SSBP3: variants seen among roughly 807,000 people sequenced by gnomAD.
The protein encoded by SSBP3 is single-stranded DNA-binding protein 3.
A neutral mutation model predicts 69.6 loss-of-function variants in SSBP3; 5 were observed. The ratio of observed to expected loss-of-function variants is 0.07; its 90% CI spans 0.04 to 0.15. The LOEUF (loss-of-function observed/expected upper bound fraction) is 0.15, where lower values mean the gene tolerates loss of function less well. Ranked by LOEUF, SSBP3 falls within the 10% of genes least tolerant of loss-of-function variation. SSBP3 has a pLI of 1.00. For missense variants in SSBP3, 312 were observed against 534.0 expected (o/e 0.58, Z 4.10); for synonymous variants, 196 against 193.4 (o/e 1.01, Z -0.11).
At chr1:54,240,085 T>TGCGC (rs1644589953) in intron 13 of SSBP3, among the ~76,000 whole-genome samples, 2 of 38,538 alleles carry the variant, frequency 5.2e-5, no homozygotes, top group African/African-American at 1.8e-4. Flanking sequence ...TGTGTGTGTG[T>TGCGC]GTGCGCGCGC....
chr1:54,304,257 G>A (rs770588106), intron 4 of SSBP3, among the ~76,000 whole-genome samples: 22 of 152,192 alleles, frequency 1.4e-4, no homozygotes, highest in Admixed American at 2.0e-4. Context: ...GTGAACAGGC[G>A]GCGAGGCTGT....
chr1:54,406,053 G>A (rs1557600109), exon 1 of SSBP3: 3 of 1,421,060 alleles, frequency 2.1e-6, no homozygotes, highest in South Asian at 1.4e-5. Context: ...CGCCGCCGCC[G>A]CCGCCGCTAC....
intron 4 of SSBP3, among the ~76,000 whole-genome samples, chr1:54,371,443 C>T (rs1486767360): frequency 6.6e-6 from 1 of 152,160 alleles, no homozygotes; most frequent in African/African-American, 2.4e-5. Flanking sequence ...GATTTTAAGC[C>T]TTGTTTGCCA....
At chr1:54,269,480 A>G (rs1244330520) in intron 5 of SSBP3, among the ~76,000 whole-genome samples, 2 of 152,206 alleles carry the variant, frequency 1.3e-5, no homozygotes, top group African/African-American at 4.8e-5. Flanking sequence ...GAAGTTCCTA[A>G]GCTCTTGGAC....
At chr1:54,327,772 G>C (rs1646336523) in intron 4 of SSBP3, among the ~76,000 whole-genome samples, 1 of 152,110 alleles carries the variant, frequency 6.6e-6, no homozygotes, top group Non-Finnish European at 1.5e-5. Context: ...CAGGGAAAAG[G>C]ACAACAGATT....
chr1:54,307,225 C>T (rs984263644), intron 4 of SSBP3, among the ~76,000 whole-genome samples: 4 of 152,070 alleles, frequency 2.6e-5, no homozygotes, highest in African/African-American at 9.7e-5. Context: ...ACTATGGTCA[C>T]GCCCCCACTA....
At chr1:54,371,708 A>T (rs2100681255) in intron 4 of SSBP3, among the ~76,000 whole-genome samples, 1 of 152,340 alleles carries the variant, frequency 6.6e-6, no homozygotes, top group South Asian at 2.1e-4. Flanking sequence ...GCGTACAGGG[A>T]CTGTGCATGT....
chr1:54,271,022 C>T (rs1402247952), intron 5 of SSBP3, among the ~76,000 whole-genome samples: 1 of 152,198 alleles, frequency 6.6e-6, no homozygotes, highest in Admixed American at 6.5e-5. Flanking sequence ...ACGCTGGGAG[C>T]TCCAGGCTTA....
At chr1:54,311,391 G>GGCC (rs1645999141) in intron 4 of SSBP3, among the ~76,000 whole-genome samples, 1 of 152,190 alleles carries the variant, frequency 6.6e-6, no homozygotes, top group African/African-American at 2.4e-5. Context: ...AGCCCTACTG[G>GGCC]GCCCCCAGGC....
intron 9 of SSBP3, among the ~76,000 whole-genome samples, chr1:54,249,877 C>T (rs926425336): frequency 1.3e-5 from 2 of 152,080 alleles, no homozygotes; most frequent in African/African-American, 2.4e-5. Context: ...CAGATGCAGC[C>T]GCTGAGCCTC....
chr1:54,397,695 C>T (rs1648993238), intron 4 of SSBP3, among the ~76,000 whole-genome samples: 1 of 152,166 alleles, frequency 6.6e-6, no homozygotes. Flanking sequence ...ACTCCATGTC[C>T]ATTTCACTCC....
chr1:54,248,678 TAATCCATCCTGC>T (rs1220605921), intron 9 of SSBP3, among the ~76,000 whole-genome samples: 1 of 152,140 alleles, frequency 6.6e-6, no homozygotes, highest in East Asian at 1.9e-4. Context: ...ACAGACCCTG[TAATCCATCCTGC>T]ACCATCAACC....
At chr1:54,387,757 C>A (rs1356435185) in intron 4 of SSBP3, among the ~76,000 whole-genome samples, 1 of 152,112 alleles carries the variant, frequency 6.6e-6, no homozygotes, top group Non-Finnish European at 1.5e-5. Context: ...TTTAGGCTTC[C>A]AGTCACAAAG....
At chr1:54,394,760 T>C (rs1266765551) in intron 4 of SSBP3, among the ~76,000 whole-genome samples, 1 of 141,358 alleles carries the variant, frequency 7.1e-6, no homozygotes, top group Non-Finnish European at 1.5e-5. Flanking sequence ...TGGAGTGCAA[T>C]GGCGCCATCT....
At chr1:54,384,061 G>A (rs371825776) in intron 4 of SSBP3, among the ~76,000 whole-genome samples, 6 of 144,050 alleles carry the variant, frequency 4.2e-5, no homozygotes, top group Admixed American at 7.4e-5. Flanking sequence ...AGCAGAGATC[G>A]TGCCACTGCA....
chr1:54,250,328 A>T (rs1351367219), intron 9 of SSBP3, among the ~76,000 whole-genome samples: 1 of 152,198 alleles, frequency 6.6e-6, no homozygotes, highest in Non-Finnish European at 1.5e-5. Flanking sequence ...AACACCACAG[A>T]TGTTCCAACC....
intron 14 of SSBP3, among the ~76,000 whole-genome samples, chr1:54,233,738 C>G (rs1644433045): frequency 1.3e-5 from 2 of 151,242 alleles, no homozygotes; most frequent in Non-Finnish European, 3.0e-5. Context: ...CCCGCCCAGC[C>G]AGCTGCCCCG....
At position 54,384,260 on chromosome 1, in the gene SSBP3, C is replaced by T. The variant is rs537516721; in HGVS notation, c.276+17601G>A. Among the ~76,000 whole-genome samples the T allele has an allele frequency of 3.9e-5, 6 of 152,334 alleles. No individual in the cohort carries two copies. The South Asian group carries it at 8.3e-4, about 21-fold the overall frequency. On this transcript the variant is annotated intron_variant, in intron 4 of 17. Transcript: ENST00000610401. ...GGACACTTCACATCTGAAGCTCCAT[C>T]GATGTGTCAAAGACCTACTTCAGAA...
intron 4 of SSBP3, among the ~76,000 whole-genome samples, chr1:54,369,702 C>T (rs955142746): frequency 3.3e-5 from 5 of 151,524 alleles, no homozygotes; most frequent in African/African-American, 9.7e-5. Flanking sequence ...TGTACGAAGA[C>T]GCTCAGAACA....
Sources: allele counts gnomAD v4.1 joint callset (sites outside exome capture counted in the v4.1 genomes callset), GRCh38; gene constraint gnomAD v4.1.1; transcripts MANE v1.5; gene names NCBI Gene and HGNC (gene_info 2026-07-23, HGNC 2026-07-21).